The following C10orf90 variants were observed in gnomAD, a reference collection of about 807,000 sequenced individuals.
C10orf90 encodes chromosome 10 open reading frame 90, also known as (E2-independent) E3 ubiquitin-conjugating enzyme FATS.
In C10orf90, 56 loss-of-function variants were observed where a neutral mutation model predicts 62.5. The ratio of observed to expected loss-of-function variants is 0.90; its 90% CI spans 0.72 to 1.12. The LOEUF (loss-of-function observed/expected upper bound fraction) is 1.12, where lower values mean the gene tolerates loss of function less well. Ranked by LOEUF, C10orf90 falls within the 50% of genes most tolerant of loss-of-function variation. C10orf90 has a pLI of 0.00. For synonymous variants in C10orf90, 386 were observed against 340.4 expected (o/e 1.13, Z -1.47); for missense variants, 970 against 880.4 (o/e 1.10, Z -1.29).
chr10:126,467,228 G>A (rs1399222584), intron 4 of C10orf90, among the ~76,000 whole-genome samples: 1 of 152,178 alleles, frequency 6.6e-6, no homozygotes, highest in Non-Finnish European at 1.5e-5. Context: ...AAGAGTTAAA[G>A]CAACTCAGAG....
At chr10:126,436,528 A>T (rs1857929202) in intron 7 of C10orf90, among the ~76,000 whole-genome samples, 1 of 152,202 alleles carries the variant, frequency 6.6e-6, no homozygotes, top group Non-Finnish European at 1.5e-5. Flanking sequence ...TAAAATGATA[A>T]AGTCTTGTTA....
chr10:126,597,335 G>C (rs2134035988), intron 2 of C10orf90, among the ~76,000 whole-genome samples: 1 of 152,350 alleles, frequency 6.6e-6, no homozygotes, highest in Non-Finnish European at 1.5e-5. Context: ...GGAATGAATG[G>C]ATATTCCAGG....
rs1283228211 is a variant in C10orf90 at position 126,670,337 on chromosome 10, C to A, written c.144G>T (p.Lys48Asn). 2.2e-6 allele frequency: 1 copy of A among 456,594 alleles called. No homozygotes were observed. Among genetic ancestry groups the A allele is most frequent in the Non-Finnish European group, 4.4e-6 (1 of 226,982 alleles). The allele number at this position is 456,594 out of a possible 1,614,324, so 28.3% of individuals were successfully genotyped here. A position where few individuals can be genotyped will look rare whatever the true frequency, so the allele number is the denominator to read the frequency against. The change falls in exon 1 of 10, where the codon AAG (lysine) becomes AAT (asparagine). Residue 48 changes from lysine to asparagine, a missense_variant. Transcript: ENST00000488181. ...TTCTCTGGGAGGGAAACCAGTTACT[C>A]TTCACAAAATCCATGACCATCACAT... ...KNHVMVMDFV[K>N]SNWFPSQRRA...
At chr10:126,623,351 A>G (rs778847593) in intron 2 of C10orf90, among the ~76,000 whole-genome samples, 2 of 152,120 alleles carry the variant, frequency 1.3e-5, no homozygotes, top group African/African-American at 2.4e-5. Context: ...GTCTTCTCCA[A>G]ATTTCGGCAT....
At chr10:126,561,975 T>C (rs1035880477) in intron 2 of C10orf90, among the ~76,000 whole-genome samples, 9 of 152,186 alleles carry the variant, frequency 5.9e-5, no homozygotes, top group Admixed American at 1.3e-4. Flanking sequence ...AGGAAAGATC[T>C]TGGGCCTGAC....
intron 2 of C10orf90, among the ~76,000 whole-genome samples, chr10:126,576,720 A>ATATG (rs1844628005): frequency 5.9e-5 from 2 of 33,734 alleles, no homozygotes. Context: ...TATATACAAG[A>ATATG]TATACATATA....
intron 2 of C10orf90, among the ~76,000 whole-genome samples, chr10:126,621,017 TG>T: frequency 6.6e-6 from 1 of 152,226 alleles, no homozygotes; most frequent in East Asian, 1.9e-4. Flanking sequence ...CCATTTTAAA[TG>T]AATGTAATAT....
chr10:126,440,048 C>T (rs1426283354), intron 7 of C10orf90, among the ~76,000 whole-genome samples: 2 of 152,068 alleles, frequency 1.3e-5, no homozygotes, highest in Non-Finnish European at 2.9e-5. Context: ...AGTTAAGAAG[C>T]CTCCTGGCAG....
At chr10:126,554,289 C>T (rs1864708701) in intron 2 of C10orf90, among the ~76,000 whole-genome samples, 1 of 152,074 alleles carries the variant, frequency 6.6e-6, no homozygotes, top group African/African-American at 2.4e-5. Context: ...TATTACATGA[C>T]CATTTCCATC....
At chr10:126,500,669 TGAGCAAAGA>T (rs1862324838) in intron 4 of C10orf90, among the ~76,000 whole-genome samples, 2 of 152,274 alleles carry the variant, frequency 1.3e-5, no homozygotes, top group Middle Eastern at 3.4e-3. Context: ...ACTGAGGAGA[TGAGCAAAGA>T]GAGAACCAAT....
chr10:126,622,394 A>T (rs150644429), intron 2 of C10orf90, among the ~76,000 whole-genome samples: 200 of 152,256 alleles, frequency 1.3e-3, no homozygotes, highest in African/African-American at 4.4e-3. Context: ...AAAAAGCCTC[A>T]GGTTCCAAGC....
chr10:126,661,558 A>G (rs1476507876), intron 1 of C10orf90, among the ~76,000 whole-genome samples: 1 of 152,110 alleles, frequency 6.6e-6, no homozygotes, highest in Non-Finnish European at 1.5e-5. Context: ...GTTTCCCCAC[A>G]AGTTCCCAAT....
chr10:126,478,339 G>A lies in C10orf90; in HGVS notation c.1535-13353C>T, dbSNP rs1214941608. 3.3e-5 allele frequency among the ~76,000 whole-genome samples: 5 copies of A among 152,184 alleles called. 1 individual carries two copies. Among genetic ancestry groups the A allele is most frequent in the South Asian group, 4.1e-4 (2 of 4,830 alleles). ...TCCTCATCTACATCACAGGCTGATC[G>A]CCATCCTGCTCCAGGAGGGAGAAAT... On this transcript the variant is annotated intron_variant, in intron 4 of 9. Coordinates refer to ENST00000488181, the MANE Select transcript of C10orf90 (RefSeq NM_001350921.2).
At chr10:126,602,110 C>T (rs1845210577) in intron 2 of C10orf90, among the ~76,000 whole-genome samples, 1 of 152,196 alleles carries the variant, frequency 6.6e-6, no homozygotes, top group Admixed American at 6.5e-5. Flanking sequence ...ATGAGGCCCA[C>T]AGATCCAGCT....
chr10:126,518,183 TC>T (rs952070929), intron 2 of C10orf90, among the ~76,000 whole-genome samples: 2 of 152,100 alleles, frequency 1.3e-5, no homozygotes, highest in African/African-American at 4.8e-5. Context: ...CAGCAAGGGC[TC>T]CCAAAATGTG....
Position 126,456,350 on chromosome 10 carries a change from C to T in C10orf90, c.2188+2690G>A, listed in dbSNP as rs1192944306. Among the ~76,000 whole-genome samples, 3 of 152,114 alleles carry T rather than the reference C, an allele frequency of 2.0e-5. No homozygotes were observed. The highest frequency in any genetic ancestry group is 3.9e-4 in the East Asian group (2 of 5,162). On this transcript the variant is annotated intron_variant, in intron 7 of 9. Transcript: ENST00000488181. The surrounding 1 kb of genome is among the most constrained non-coding windows in gnomAD (Gnocchi z 4.9). ...AATACGGCAGGGATGGTCAGGGTGG[C>T]CATAAAACCCACGTTGGCCAAGTCC...
intron 2 of C10orf90, among the ~76,000 whole-genome samples, chr10:126,567,545 CAG>C (rs1844418788): frequency 1.3e-5 from 2 of 152,066 alleles, no homozygotes; most frequent in African/African-American, 4.8e-5. Context: ...GAGATTTGCT[CAG>C]AGAGGAGCAA....
intron 2 of C10orf90, among the ~76,000 whole-genome samples, chr10:126,557,999 CCTG>C (rs1177077612): frequency 6.6e-5 from 10 of 152,148 alleles, no homozygotes; most frequent in Non-Finnish European, 1.2e-4. Flanking sequence ...ATGATGCAGT[CCTG>C]CTGGCAGCCC....
At chr10:126,635,911 G>GAC (rs5788797) in intron 2 of C10orf90, among the ~76,000 whole-genome samples, 151,265 of 152,324 alleles carry the variant, frequency 0.99, 75,123 homozygotes, top group Middle Eastern at 1. Context: ...TAGTTTGAGA[G>GAC]ACAGACACTT....
Sources: gnomAD v4.1 joint callset for allele counts (sites outside exome capture counted in the v4.1 genomes callset) on GRCh38, gnomAD v4.1.1 for gene constraint, Gnocchi (gnomAD v3.1) non-coding constraint, MANE v1.5 for transcripts, NCBI Gene and HGNC (gene_info 2026-07-23, HGNC 2026-07-21) for gene names.